Variants in PPARGC1B observed in about 807,000 individuals in gnomAD.
The protein encoded by PPARGC1B is PPARG coactivator 1 beta.
In PPARGC1B, 34 loss-of-function variants were observed where a neutral mutation model predicts 101.6. That is an observed-to-expected ratio of 0.33 (90% CI 0.25 to 0.45). PPARGC1B has a LOEUF of 0.45. PPARGC1B is among the 20% of genes least tolerant of loss of function. The pLI, the probability that PPARGC1B is intolerant of heterozygous loss-of-function variation, is 1.00. For missense variants in PPARGC1B, 1,234 were observed against 1,317.6 expected (o/e 0.94, Z 0.98); for synonymous variants, 548 against 539.3 (o/e 1.02, Z -0.22).
rs139404347 is a variant in PPARGC1B, at chr5:149,833,410, A to T, written c.1337A>T (p.Glu446Val). Residue 446 changes from glutamate (E) to valine (V), a missense_variant, in exon 5 of 12, where the codon GAG (glutamate) becomes GTG (valine). Coordinates refer to ENST00000309241, the MANE Select transcript of PPARGC1B (RefSeq NM_133263.4). This position sits in a 1 kb window ranked among gnomAD's most constrained non-coding sequence, Gnocchi z 4.1. Reference protein sequence around the residue: ...EEEEEEEEEKEEEEEWGRKRP... With the variant: ...EEEEEEEEEKVEEEEWGRKRP... ...GAGGAGGAAGAGGAAGAAGAAAAAGAGGAGGAGGAGGAGTGGGGCAGGAAA... is the reference window on the plus strand; with the variant it reads ...GAGGAGGAAGAGGAAGAAGAAAAAGTGGAGGAGGAGGAGTGGGGCAGGAAA... 1.1e-4 allele frequency: 179 copies of T among 1,596,678 alleles called. 1 individual carries two copies. In the African/African-American group the frequency reaches 2.3e-3, roughly 20 times the overall value.
chr5:149,857,704 T>G (rs1392018922), downstream of PPARGC1B, among the ~76,000 whole-genome samples: 2 of 152,342 alleles, frequency 1.3e-5, no homozygotes, highest in African/African-American at 4.8e-5. Context: ...GCCACCAGGA[T>G]GTGGCTGCCC....
intron 9 of PPARGC1B, among the ~76,000 whole-genome samples, chr5:149,840,327 C>G (rs1208056746): frequency 6.6e-6 from 1 of 152,148 alleles, no homozygotes. Context: ...AAAGGTGGCA[C>G]CATGCAAAGT....
At chr5:149,800,423 G>T (rs1014190074) in intron 1 of PPARGC1B, among the ~76,000 whole-genome samples, 1 of 152,236 alleles carries the variant, frequency 6.6e-6, no homozygotes, top group Non-Finnish European at 1.5e-5. Context: ...GCTTTGATAG[G>T]AGTGAGGCAG....
chr5:149,808,358 C>A (rs907169998), intron 1 of PPARGC1B, among the ~76,000 whole-genome samples: 3 of 152,084 alleles, frequency 2.0e-5, no homozygotes, highest in Non-Finnish European at 4.4e-5. Flanking sequence ...GATGCCAGGG[C>A]CTTTCACTCC....
At chr5:149,754,314 C>T (rs1755427894) in intron 1 of PPARGC1B, among the ~76,000 whole-genome samples, 1 of 152,080 alleles carries the variant, frequency 6.6e-6, no homozygotes, top group South Asian at 2.1e-4. Context: ...TTCTTGCGTG[C>T]CCCCCTCCCC....
At chr5:149,839,939 C>A (rs1009079489) in intron 8 of PPARGC1B, 102 bp from the exon 9 acceptor site, 106 of 1,223,714 alleles carry the variant, frequency 8.7e-5, no homozygotes, top group Middle Eastern at 1.9e-4. Context: ...CCCTCGTGAA[C>A]AAATCCTAAG....
At position 149,852,467 on chromosome 5, in the gene PPARGC1B, AG is replaced by A. The variant is rs1381177096; in HGVS notation, c.*4910del. The A allele has an allele frequency of 8.5e-5, 13 of 152,242 alleles. No homozygotes were observed. The highest frequency in any genetic ancestry group is 1.9e-4 in the African/African-American group (8 of 41,460). The allele number at this position is 152,242 out of a possible 1,614,324, so 9.4% of individuals were successfully genotyped here. A position where few individuals can be genotyped will look rare whatever the true frequency, so the allele number is the denominator to read the frequency against. ...GGGTTCTCTGCAAGAACCAACCAGC[AG>A]TAGGTTCAATCCCACTGTGTCCTGG... On this transcript the variant is annotated 3_prime_UTR_variant, in exon 12 of 12. Transcript: ENST00000309241.
intron 1 of PPARGC1B, among the ~76,000 whole-genome samples, chr5:149,785,226 T>A (rs1194568786): frequency 6.6e-6 from 1 of 151,808 alleles, no homozygotes; most frequent in Non-Finnish European, 1.5e-5. Flanking sequence ...TTGGACCAGA[T>A]GCCCTCTTTT....
intron 1 of PPARGC1B, among the ~76,000 whole-genome samples, chr5:149,731,889 C>T (rs1281720073): frequency 1.3e-5 from 2 of 152,122 alleles, no homozygotes; most frequent in Non-Finnish European, 2.9e-5. Flanking sequence ...CGCCCCTGGC[C>T]CGCTGCAGAC....
intron 1 of PPARGC1B, among the ~76,000 whole-genome samples, chr5:149,792,509 AT>A (rs933714924): frequency 2.0e-5 from 3 of 152,162 alleles, no homozygotes; most frequent in Non-Finnish European, 4.4e-5. Context: ...CAGATTCTTG[AT>A]TTCATTTAAG....
At chr5:149,752,656 C>T (rs1020585630) in intron 1 of PPARGC1B, among the ~76,000 whole-genome samples, 3 of 152,078 alleles carry the variant, frequency 2.0e-5, no homozygotes, top group African/African-American at 7.2e-5. Context: ...TGGTGAAACC[C>T]TGTCTCCACT....
chr5:149,826,405 C>T (rs533368083), intron 2 of PPARGC1B, among the ~76,000 whole-genome samples: 185 of 152,322 alleles, frequency 1.2e-3, no homozygotes, highest in Non-Finnish European at 1.8e-3. Context: ...CAGAGTGGGA[C>T]TCCCAGGCAG....
chr5:149,834,754 G>T, intron 6 of PPARGC1B, 44 bp downstream of exon 6: 1 of 1,576,222 alleles, frequency 6.3e-7, no homozygotes, highest in Middle Eastern at 1.7e-4. Flanking sequence ...ATGAGATTTT[G>T]TCTTGTTGGA....
chr5:149,854,978 C>G lies in PPARGC1B; in HGVS notation c.*7420C>G, dbSNP rs978000765. 3.3e-5 allele frequency: 5 copies of G among 152,318 alleles called. No individual in the cohort carries two copies. The highest frequency in any genetic ancestry group is 5.9e-5 in the Non-Finnish European group (4 of 68,032). 9.4% of individuals were successfully genotyped at this position (152,318 alleles called of 1,614,324 possible). A position where few individuals can be genotyped will look rare whatever the true frequency, so the allele number is the denominator to read the frequency against. ...GTGAAGTGATCTGCTTATAAATAAA[C>G]TTAACAAATACACTATGGAGATTAA... is the stretch of plus-strand genomic sequence containing the variant. On this transcript the variant is annotated 3_prime_UTR_variant, in exon 12 of 12. Transcript: ENST00000309241.
At position 149,836,619 on chromosome 5, in the gene PPARGC1B, T is replaced by C; in HGVS notation, c.2164T>C (p.Trp722Arg). 1 of 1,613,862 alleles carries C rather than the reference T, an allele frequency of 6.2e-7. No homozygotes were observed. The highest frequency in any genetic ancestry group is 1.1e-5 in the South Asian group (1 of 91,092). ...WEPSGVHLED[W>R]PQQGAPWAEA... ...GCCGTCTGGGGTTCACCTTGAGGAC[T>C]GGCCCCAGCAGGGTGCCCCTTGGGC... Residue 722 changes from tryptophan (W) to arginine (R), a missense_variant, in exon 8 of 12, where the codon TGG (tryptophan) becomes CGG (arginine). Trp to Arg is a moderately radical substitution (Grantham distance 101). Coordinates refer to ENST00000309241, the MANE Select transcript of PPARGC1B (RefSeq NM_133263.4).
In PPARGC1B at chr5:149,836,632, G is replaced by A. The variant is rs1007643238; in HGVS notation, c.2177G>A (p.Gly726Asp). The A allele has an allele frequency of 3.7e-6, 6 of 1,613,716 alleles. No homozygotes were observed. The African/African-American group carries it at 4.0e-5, about 11-fold the overall frequency. Residue 726 changes from glycine to aspartate, a missense_variant, in exon 8 of 12, where the codon GGT (glycine) becomes GAT (aspartate). Gly to Asp is a moderately conservative substitution (Grantham distance 94, BLOSUM62 -1). Around this residue, in one of 3 missense-constraint regions of PPARGC1B, gnomAD observed 497 missense variants for 529.5 expected, o/e 0.94. Coordinates refer to ENST00000309241, the MANE Select transcript of PPARGC1B (RefSeq NM_133263.4). ...CACCTTGAGGACTGGCCCCAGCAGGGTGCCCCTTGGGCTGAGGCACAGGCC... is the reference window on the plus strand; with the variant it reads ...CACCTTGAGGACTGGCCCCAGCAGGATGCCCCTTGGGCTGAGGCACAGGCC... ...GVHLEDWPQQ[G>D]APWAEAQAPG...
At chr5:149,752,967 G>A (rs887635269) in intron 1 of PPARGC1B, among the ~76,000 whole-genome samples, 2 of 152,196 alleles carry the variant, frequency 1.3e-5, no homozygotes, top group Admixed American at 6.5e-5. Flanking sequence ...AATTTCTAAT[G>A]TGTTCTTCCA....
chr5:149,753,203 ATTTAT>A (rs1324460264), intron 1 of PPARGC1B, among the ~76,000 whole-genome samples: 1 of 152,000 alleles, frequency 6.6e-6, no homozygotes, highest in Admixed American at 6.6e-5. Flanking sequence ...AGTGATTGCT[ATTTAT>A]TTTATTTTAT....
intron 1 of PPARGC1B, among the ~76,000 whole-genome samples, chr5:149,796,260 A>G (rs1315275603): frequency 6.6e-6 from 1 of 152,144 alleles, no homozygotes; most frequent in Non-Finnish European, 1.5e-5. Context: ...TGATCTAAAC[A>G]TCAGAAAGTA....
Sources: allele counts gnomAD v4.1 joint callset (sites outside exome capture counted in the v4.1 genomes callset), GRCh38; gene constraint gnomAD v4.1.1; regional missense constraint gnomAD v4.1.1; non-coding constraint Gnocchi (gnomAD v3.1); transcripts MANE v1.5; gene names NCBI Gene and HGNC (gene_info 2026-07-23, HGNC 2026-07-21).